AMOTL1: variants seen among roughly 807,000 people sequenced by gnomAD.
The protein encoded by AMOTL1 is angiomotin like 1.
In AMOTL1, 45 loss-of-function variants were observed where a neutral mutation model predicts 102.9. The observed-to-expected ratio is 0.44, with a 90% CI of 0.34 to 0.56. The LOEUF (loss-of-function observed/expected upper bound fraction) is 0.56. Among genes scored for constraint, AMOTL1 ranks in the 20% least tolerant of loss-of-function variants. The pLI is 0.01. For missense variants in AMOTL1, 1,114 were observed against 1,225.6 expected (o/e 0.91, Z 1.36); for synonymous variants, 481 against 484.7 (o/e 0.99, Z 0.10).
intron 1 of AMOTL1, among the ~76,000 whole-genome samples, chr11:94,781,222 G>A (rs762760890): frequency 9.9e-5 from 15 of 152,050 alleles, no homozygotes; most frequent in South Asian, 2.1e-4. Context: ...CTGGGTGGGC[G>A]TCTAGCTCTC....
At chr11:94,836,780 T>C (rs1021205861) in intron 6 of AMOTL1, among the ~76,000 whole-genome samples, 1 of 150,800 alleles carries the variant, frequency 6.6e-6, no homozygotes, top group Non-Finnish European at 1.5e-5. Flanking sequence ...TTTTTTAGAA[T>C]AGAAGAATAT....
intron 1 of AMOTL1, among the ~76,000 whole-genome samples, chr11:94,707,487 T>G (rs1456871736): frequency 2.0e-5 from 3 of 152,160 alleles, no homozygotes; most frequent in Admixed American, 2.0e-4. Context: ...CAAATGAAAA[T>G]GTTGAGAATT....
chr11:94,859,918 T>C (rs1293335507), intron 9 of AMOTL1, among the ~76,000 whole-genome samples: 3 of 152,198 alleles, frequency 2.0e-5, no homozygotes, highest in Non-Finnish European at 4.4e-5. Context: ...ATCTTTCCTT[T>C]GAGTCCACAA....
intron 2 of AMOTL1, among the ~76,000 whole-genome samples, chr11:94,731,610 C>A (rs1259569985): frequency 2.0e-5 from 3 of 152,114 alleles, no homozygotes; most frequent in African/African-American, 4.8e-5. Flanking sequence ...ATAATATTGC[C>A]AGATGTTACA....
chr11:94,832,509 T>A (rs1338469780), intron 6 of AMOTL1, among the ~76,000 whole-genome samples: 3 of 152,376 alleles, frequency 2.0e-5, no homozygotes, highest in East Asian at 3.9e-4. Context: ...CTATTAATAC[T>A]AGCTATATTT....
chr11:94,844,816 AC>A (rs1952374862), intron 6 of AMOTL1, among the ~76,000 whole-genome samples: 1 of 152,224 alleles, frequency 6.6e-6, no homozygotes, highest in African/African-American at 2.4e-5. Context: ...CCATATTCAA[AC>A]CATAGCAAAC....
chr11:94,821,243 A>G (rs927368126), intron 3 of AMOTL1, among the ~76,000 whole-genome samples: 9 of 152,062 alleles, frequency 5.9e-5, no homozygotes, highest in Non-Finnish European at 1.2e-4. Context: ...TTCTTTGGAG[A>G]GTACTTGTTA....
chr11:94,759,949 G>A (rs903864569), intron 3 of AMOTL1, among the ~76,000 whole-genome samples: 4 of 152,232 alleles, frequency 2.6e-5, no homozygotes, highest in African/African-American at 9.6e-5. Context: ...AGCAGCATCA[G>A]CACAATCAGA....
intron 1 of AMOTL1, among the ~76,000 whole-genome samples, chr11:94,714,136 G>A (rs924699252): frequency 2.0e-5 from 3 of 152,014 alleles, no homozygotes; most frequent in Non-Finnish European, 4.4e-5. Flanking sequence ...GCAATGATCA[G>A]TATGATCATG....
upstream of AMOTL1, chr11:94,768,186 T>A (rs1015017362): frequency 8.3e-6 from 7 of 848,282 alleles, no homozygotes; most frequent in African/African-American, 1.3e-4. Context: ...CTGGGCAATT[T>A]CAGCCTGGCA....
rs748562269 is a variant in AMOTL1, at chr11:94,821,527, C to T, written c.1122-3C>T. 18 of 1,611,276 alleles carry T rather than the reference C, an allele frequency of 1.1e-5. No homozygotes were observed. The Middle Eastern group carries it at 1.2e-3, about 103-fold the overall frequency. On this transcript the variant is annotated splice_region_variant and splice_polypyrimidine_tract_variant and intron_variant, in intron 3 of 12. Transcript: ENST00000433060. ...CTAACTGCTGCCTTCCATTGCCTTG[C>T]AGCCGCCCATGCCAACTTCCGTTCC...
chr11:94,821,699 G>T lies in AMOTL1; in HGVS notation c.1291G>T (p.Gly431Cys). Residue 431 changes from glycine (G) to cysteine (C), a missense_variant, in exon 4 of 13, where the codon GGT (glycine) becomes TGT (cysteine). Coordinates refer to ENST00000433060, the MANE Select transcript of AMOTL1 (RefSeq NM_130847.3). ...TGCCGCCTCCCCCAGCCAGCAGCTT[G>T]GTCCAGATGCCTTTGCGATTGTGGA... ...PPAASPSQQLGPDAFAIVERA... is the reference protein window; with the variant it reads ...PPAASPSQQLCPDAFAIVERA... The T allele has an allele frequency of 6.2e-7, 1 of 1,614,032 alleles. No individual in the cohort carries two copies. The highest frequency in any genetic ancestry group is 2.2e-5 in the East Asian group (1 of 44,880).
Position 94,781,565 on chromosome 11 carries a change from C to T in AMOTL1, c.49+13005C>T, listed in dbSNP as rs1476887410. 3.3e-5 allele frequency among the ~76,000 whole-genome samples: 5 copies of T among 152,136 alleles called. No individual in the cohort carries two copies. The East Asian group carries it at 7.7e-4, about 23-fold the overall frequency. On this transcript the variant is annotated intron_variant, in intron 1 of 12. Transcript: ENST00000433060. Reference sequence around the variant, plus strand: ...AACTCTCTTCATAATAAGCCGGGTGCGGTGGCTCACGCCTGTAATCCCAGC... The same window carrying T: ...AACTCTCTTCATAATAAGCCGGGTGTGGTGGCTCACGCCTGTAATCCCAGC...
chr11:94,863,881 C>T (rs913699368), intron 9 of AMOTL1, among the ~76,000 whole-genome samples: 1 of 152,168 alleles, frequency 6.6e-6, no homozygotes, highest in African/African-American at 2.4e-5. Context: ...TTGATCTTCT[C>T]GTGTCTGCCC....
intron 1 of AMOTL1, among the ~76,000 whole-genome samples, chr11:94,719,437 A>G (rs559009224): frequency 5.3e-5 from 8 of 152,218 alleles, no homozygotes; most frequent in Admixed American, 3.3e-4. Context: ...CTGAATGCAT[A>G]CAATCTATAT....
At chr11:94,765,109 T>A (rs2851572), upstream of AMOTL1, among the ~76,000 whole-genome samples, 34 of 152,148 alleles carry the variant, frequency 2.2e-4, no homozygotes, top group South Asian at 4.2e-4. Flanking sequence ...AGTGAAAGAC[T>A]GCTCTCTGGG....
intron 3 of AMOTL1, among the ~76,000 whole-genome samples, chr11:94,808,324 G>A (rs893018809): frequency 1.3e-5 from 2 of 152,148 alleles, no homozygotes; most frequent in African/African-American, 2.4e-5. Context: ...GAATACTTGA[G>A]AAATGTTTTG....
intron 1 of AMOTL1, among the ~76,000 whole-genome samples, chr11:94,785,276 T>C (rs1168224026): frequency 2.0e-5 from 3 of 152,196 alleles, no homozygotes; most frequent in African/African-American, 7.2e-5. Flanking sequence ...TTAGTTTGCA[T>C]TTATTGAGGG....
At position 94,800,164 on chromosome 11, in the gene AMOTL1, G is replaced by C. The variant is rs1162028206; in HGVS notation, c.974G>C (p.Ser325Thr). The change falls in exon 3 of 13, where the codon AGC (serine) becomes ACC (threonine). Residue 325 changes from serine (S) to threonine (T), a missense_variant. Transcript: ENST00000433060. ...ACCAAGCAAATGATGTCCCCAGTCA[G>C]CAAGACCCAGGAGCACGGACTTTTT... ...FKTKQMMSPV[S>T]KTQEHGLFYG... 1 of 1,613,976 alleles carries C rather than the reference G, an allele frequency of 6.2e-7. No individual in the cohort carries two copies. The highest frequency in any genetic ancestry group is 1.7e-5 in the Admixed American group (1 of 60,024).
Sources: gnomAD v4.1 joint callset for allele counts (sites outside exome capture counted in the v4.1 genomes callset) on GRCh38, gnomAD v4.1.1 for gene constraint, MANE v1.5 for transcripts, NCBI Gene and HGNC (gene_info 2026-07-23, HGNC 2026-07-21) for gene names.